Variants in SLC4A2 observed in about 807,000 individuals in gnomAD.
SLC4A2 encodes solute carrier family 4 member 2.
SLC4A2 carries 36 observed loss-of-function variants against 115.0 expected under a neutral mutation model. The observed-to-expected ratio is 0.31, with a 90% CI of 0.24 to 0.41. The LOEUF (loss-of-function observed/expected upper bound fraction) is 0.41, where lower values mean the gene tolerates loss of function less well. Ranked by LOEUF, SLC4A2 falls within the 10% of genes least tolerant of loss-of-function variation. The probability of loss-of-function intolerance (pLI) is 1.00; values close to 1 mark genes in which losing one functional copy is unlikely to be tolerated. For missense variants in SLC4A2, 1,252 were observed against 1,705.6 expected, an observed-to-expected ratio of 0.73 and a Z score of 4.68; for synonymous variants, 708 against 708.3, an observed-to-expected ratio of 1.00 and a Z score of 0.01.
intron 2 of SLC4A2, chr7:151,062,432 C>T: frequency 1.0e-6 from 1 of 1,000,086 alleles, no homozygotes; most frequent in South Asian, 2.1e-5. Flanking sequence ...CGCCCCCTGC[C>T]CACGTGCCAC....
At chr7:151,074,356 G>A (rs752573539) in intron 17 of SLC4A2, 43 bp from the exon 18 acceptor site, 89 of 1,611,724 alleles carry the variant, frequency 5.5e-5, no homozygotes, top group Middle Eastern at 1.6e-4. Flanking sequence ...GGAAGTCAGC[G>A]GCTGTGGTGG....
chr7:151,067,851 A>G, intron 7 of SLC4A2, 23 bp from the exon 8 acceptor site: 1 of 1,610,258 alleles, frequency 6.2e-7, no homozygotes, highest in Non-Finnish European at 8.5e-7. Context: ...GTACCCTGAA[A>G]TGCCTTCTCT....
Position 151,071,556 on chromosome 7 carries a change from C to T in SLC4A2, c.2142C>T (p.Phe714=). The T allele has an allele frequency of 6.2e-7, 1 of 1,614,050 alleles. No individual in the cohort carries two copies. Among genetic ancestry groups the T allele is most frequent in the Non-Finnish European group, 8.5e-7 (1 of 1,179,996 alleles). The part of the protein sequence containing the change: ...LDPQCLAAVI[F]IYFAALSPAI... ...CTCAGTGCCTGGCCGCAGTCATCTT[C>T]ATCTACTTTGCCGCCCTGTCTCCTG... Residue 714 remains phenylalanine (F), a synonymous_variant, in exon 14 of 23, where the codon TTC becomes TTT. Coordinates refer to ENST00000413384, the MANE Select transcript of SLC4A2 (RefSeq NM_003040.4). The surrounding 1 kb of genome is among the most constrained non-coding windows in gnomAD (Gnocchi z 5.5).
At position 151,062,008 on chromosome 7, in the gene SLC4A2, C is replaced by T; in HGVS notation, c.21C>T (p.Arg7=). 1 of 1,610,398 alleles carries T rather than the reference C, an allele frequency of 6.2e-7. No individual in the cohort carries two copies. Among genetic ancestry groups the T allele is most frequent in the Non-Finnish European group, 8.5e-7 (1 of 1,179,690 alleles). MSSAPR[R]PAKGADSFCT... ...CGGCCATGAGCAGCGCCCCTCGGCG[C>T]CCCGCCAAGGGCGCAGATTCTTTCT... The change falls in exon 2 of 23, where the codon CGC becomes CGT. Residue 7 remains arginine, a synonymous_variant. Coordinates refer to ENST00000413384, the MANE Select transcript of SLC4A2 (RefSeq NM_003040.4).
Position 151,060,096 on chromosome 7 carries a change from C to A in SLC4A2, c.-64+334C>A, listed in dbSNP as rs1223834697. The A allele has an allele frequency of 6.6e-6, 1 of 152,200 alleles. No homozygotes were observed. The highest frequency in any genetic ancestry group is 2.4e-5 in the African/African-American group (1 of 41,442). 9.4% of individuals were successfully genotyped at this position (152,200 alleles called of 1,614,324 possible). A position where few individuals can be genotyped will look rare whatever the true frequency, so the allele number is the denominator to read the frequency against. ...GACCACCCCTCCCCTCCGGCCCCCC[C>A]GCATAGTCCTTCAGTCCCGTCCGGG... On this transcript the variant is annotated intron_variant, in intron 1 of 22. Transcript: ENST00000413384. This position sits in a 1 kb window ranked among gnomAD's most constrained non-coding sequence, Gnocchi z 5.9.
Position 151,064,781 on chromosome 7 carries a change from G to C in SLC4A2, c.459+14G>C. 2 of 1,607,134 alleles carry C rather than the reference G, an allele frequency of 1.2e-6. No homozygotes were observed. The highest frequency in any genetic ancestry group is 2.2e-5 in the East Asian group (1 of 44,660). Reference sequence around the variant, plus strand: ...TCCTCGGTGCAGGTGCGCTGGGTGCGGGCTCCTAGGGCATGTCGGCAGGGC... The same window carrying C: ...TCCTCGGTGCAGGTGCGCTGGGTGCCGGCTCCTAGGGCATGTCGGCAGGGC... On this transcript the variant is annotated intron_variant, in intron 4 of 22. Coordinates refer to ENST00000413384, the MANE Select transcript of SLC4A2 (RefSeq NM_003040.4).
rs1016587973 is a variant in SLC4A2 at position 151,062,004 on chromosome 7, G to A, written c.17G>A (p.Arg6Gln). ...GATTCGGCCATGAGCAGCGCCCCTC[G>A]GCGCCCCGCCAAGGGCGCAGATTCT... MSSAP[R>Q]RPAKGADSFC... Residue 6 changes from arginine to glutamine, a missense_variant, in exon 2 of 23, where the codon CGG becomes CAG. This residue lies in a region of SLC4A2 where 74 missense variants were observed against 85.3 expected (regional missense o/e 0.87). Coordinates refer to ENST00000413384, the MANE Select transcript of SLC4A2 (RefSeq NM_003040.4). 1.2e-6 allele frequency: 2 copies of A among 1,609,770 alleles called. No individual in the cohort carries two copies. Among genetic ancestry groups the A allele is most frequent in the East Asian group, 2.2e-5 (1 of 44,872 alleles).
chr7:151,062,953 C>A, intron 2 of SLC4A2: 1 of 1,404,112 alleles, frequency 7.1e-7, no homozygotes, highest in Non-Finnish European at 9.2e-7. Flanking sequence ...GCTGCTGGCA[C>A]CGCTATGGAG....
intron 5 of SLC4A2, 107 bp from the exon 6 acceptor site, chr7:151,066,410 G>A (rs1336244482): frequency 7.6e-7 from 1 of 1,318,424 alleles, no homozygotes; most frequent in Non-Finnish European, 1.0e-6. Flanking sequence ...GAGCTAGGAG[G>A]GCCTGGAGTC....
At chr7:151,061,047 T>C (rs1248250418) in intron 1 of SLC4A2, among the ~76,000 whole-genome samples, 1 of 151,686 alleles carries the variant, frequency 6.6e-6, no homozygotes, top group East Asian at 1.9e-4. Flanking sequence ...CACCACACAG[T>C]GTCCTCCCCA....
chr7:151,064,102 G>C (rs932058487), intron 2 of SLC4A2, 100 bp from the exon 3 acceptor site: 27 of 1,222,724 alleles, frequency 2.2e-5, no homozygotes, highest in Non-Finnish European at 3.0e-5. Context: ...AGCTGCTGGC[G>C]GGGGAGGGTT....
chr7:151,074,224 C>T lies in SLC4A2; in HGVS notation c.2721C>T (p.Leu907=), dbSNP rs896445803. The change falls in exon 17 of 23, where the codon CTC becomes CTT. Residue 907 remains leucine (L), a synonymous_variant. Transcript: ENST00000413384. ...QPNTALLSLV[L]MAGTFFIAFF... ...ACACGGCCCTGCTGTCGCTGGTGCTCATGGCCGGCACCTTCTTCATCGCCT... is the reference window on the plus strand; with the variant it reads ...ACACGGCCCTGCTGTCGCTGGTGCTTATGGCCGGCACCTTCTTCATCGCCT... 6.2e-7 allele frequency: 1 copy of T among 1,612,804 alleles called. No individual in the cohort carries two copies. Among genetic ancestry groups the T allele is most frequent in the Non-Finnish European group, 8.5e-7 (1 of 1,179,960 alleles).
rs1797180934 is a variant in SLC4A2, at chr7:151,064,918, T to C, written c.530T>C (p.Leu177Pro). The change falls in exon 5 of 23, where the codon CTG becomes CCG. Residue 177 changes from leucine (L) to proline (P), a missense_variant. By Grantham distance (98) the Leu-to-Pro change is moderately conservative. Around this residue, in one of 14 missense-constraint regions of SLC4A2, gnomAD observed 215 missense variants for 205.2 expected, o/e 1.05. Coordinates refer to ENST00000413384, the MANE Select transcript of SLC4A2 (RefSeq NM_003040.4). Reference sequence around the variant, plus strand: ...ACCAGTCCATCTTCCCCTGCACCACTGCCCCACCAGGAGGCGACTCCTCGG... The same window carrying C: ...ACCAGTCCATCTTCCCCTGCACCACCGCCCCACCAGGAGGCGACTCCTCGG... ...ERTSPSSPAP[L>P]PHQEATPRAS... 1 of 1,613,760 alleles carries C rather than the reference T, an allele frequency of 6.2e-7. No homozygotes were observed. The highest frequency in any genetic ancestry group is 1.3e-5 in the African/African-American group (1 of 74,892).
At position 151,064,916 on chromosome 7, in the gene SLC4A2, A is replaced by G; in HGVS notation, c.528A>G (p.Pro176=). The G allele has an allele frequency of 6.2e-7, 1 of 1,613,906 alleles. No individual in the cohort carries two copies. The highest frequency in any genetic ancestry group is 8.5e-7 in the Non-Finnish European group (1 of 1,179,978). The change falls in exon 5 of 23, where the codon CCA becomes CCG. Residue 176 remains proline (P), a synonymous_variant. Transcript: ENST00000413384. ...AERTSPSSPA[P]LPHQEATPRA... ...GGACCAGTCCATCTTCCCCTGCACC[A>G]CTGCCCCACCAGGAGGCGACTCCTC...
rs367805901 is a variant in SLC4A2 at position 151,071,447 on chromosome 7, C to T, written c.2033C>T (p.Thr678Met). The T allele has an allele frequency of 2.2e-5, 35 of 1,607,430 alleles. No homozygotes were observed. The highest frequency in any genetic ancestry group is 3.3e-5 in the Admixed American group (2 of 59,904). ...GCTGAAGATGATCCCCTTCGGCGGACGGGGCGGCCCTTTGGGGGGCTGATC... is the reference window on the plus strand; with the variant it reads ...GCTGAAGATGATCCCCTTCGGCGGATGGGGCGGCCCTTTGGGGGGCTGATC... The part of the protein sequence containing the change: ...GAAEDDPLRR[T>M]GRPFGGLIRD... The change falls in exon 14 of 23, where the codon ACG (threonine) becomes ATG (methionine). Residue 678 changes from threonine to methionine, a missense_variant. This residue lies in a region of SLC4A2 where 122 missense variants were observed against 116.8 expected (regional missense o/e 1.04). Coordinates refer to ENST00000413384, the MANE Select transcript of SLC4A2 (RefSeq NM_003040.4). This position sits in a 1 kb window ranked among gnomAD's most constrained non-coding sequence, Gnocchi z 5.5.
chr7:151,069,781 G>A (rs767345327), intron 8 of SLC4A2, among the ~76,000 whole-genome samples, 166 bp from the exon 9 acceptor site: 9 of 152,150 alleles, frequency 5.9e-5, no homozygotes, highest in Admixed American at 1.3e-4. Flanking sequence ...TTGATGTGAC[G>A]TAGGCTCCTG....
intron 2 of SLC4A2, chr7:151,062,975 C>A (rs1797102838): frequency 4.2e-6 from 6 of 1,415,810 alleles, no homozygotes; most frequent in Non-Finnish European, 5.5e-6. Flanking sequence ...GGGCTGCATA[C>A]CCCCGCCCTT....
At chr7:151,069,621 C>T (rs1401812525) in intron 8 of SLC4A2, among the ~76,000 whole-genome samples, 9 of 152,138 alleles carry the variant, frequency 5.9e-5, no homozygotes, top group Admixed American at 5.9e-4. Flanking sequence ...GAGTGGGCGG[C>T]CTGGACCGTC....
chr7:151,066,549 T>A lies in SLC4A2; in HGVS notation c.611T>A (p.Val204Glu), dbSNP rs369100379. The part of the protein sequence containing the change: ...TQVEEAEAEA[V>E]AVASGTAGGD... ...GTGGAGGAGGCGGAGGCGGAGGCGG[T>A]GGCGGTGGCCAGTGGCACTGCAGGG... The change falls in exon 6 of 23, where the codon GTG (valine) becomes GAG (glutamate). Residue 204 changes from valine (V) to glutamate (E), a missense_variant. Around this residue, in one of 14 missense-constraint regions of SLC4A2, gnomAD observed 215 missense variants for 205.2 expected, o/e 1.05. Transcript: ENST00000413384. 1.3e-6 allele frequency: 2 copies of A among 1,536,574 alleles called. No individual in the cohort carries two copies. The highest frequency in any genetic ancestry group is 1.2e-5 in the South Asian group (1 of 82,780).
Sources: allele counts gnomAD v4.1 joint callset (sites outside exome capture counted in the v4.1 genomes callset), GRCh38; gene constraint gnomAD v4.1.1; regional missense constraint gnomAD v4.1.1; non-coding constraint Gnocchi (gnomAD v3.1); transcripts MANE v1.5; gene names NCBI Gene and HGNC (gene_info 2026-07-23, HGNC 2026-07-21).